ABR: variants seen among roughly 807,000 people sequenced by gnomAD.
ABR encodes ABR activator of RhoGEF and GTPase, also known as active breakpoint cluster region-related protein.
A neutral mutation model predicts 107.2 loss-of-function variants in ABR; 35 were observed. That is an observed-to-expected ratio of 0.33 (90% CI 0.25 to 0.43). The LOEUF (loss-of-function observed/expected upper bound fraction) is 0.43. ABR is among the 20% of genes least tolerant of loss of function. The pLI, the probability that ABR is intolerant of heterozygous loss-of-function variation, is 1.00. For synonymous variants in ABR, 498 were observed against 462.0 expected (o/e 1.08, Z -1.00); for missense variants, 815 against 1,115.2 (o/e 0.73, Z 3.83).
chr17:1,153,369 C>T (rs552789362), intron 1 of ABR, among the ~76,000 whole-genome samples: 1 of 148,588 alleles, frequency 6.7e-6, no homozygotes, highest in East Asian at 2.0e-4. Context: ...AGATGGCACA[C>T]CTGCGGGAGG....
intron 1 of ABR, among the ~76,000 whole-genome samples, chr17:1,170,423 T>G (rs926913979): frequency 6.6e-6 from 1 of 151,984 alleles, no homozygotes; most frequent in African/African-American, 2.4e-5. Flanking sequence ...ATTAATTAAT[T>G]TAGTTTGTTT....
chr17:1,073,792 G>T, intron 6 of ABR, 115 bp from the exon 7 acceptor site: 1 of 931,838 alleles, frequency 1.1e-6, no homozygotes, highest in Non-Finnish European at 1.6e-6. Flanking sequence ...CACCCCTCGA[G>T]GGACACCAGA....
intron 16 of ABR, among the ~76,000 whole-genome samples, chr17:1,031,294 C>T (rs1314089189): frequency 6.6e-6 from 1 of 152,166 alleles, no homozygotes; most frequent in East Asian, 1.9e-4. Context: ...CAGAGGCAGG[C>T]GTCTCCCCGT....
chr17:1,094,378 T>C (rs2037257928), intron 3 of ABR, among the ~76,000 whole-genome samples: 2 of 151,808 alleles, frequency 1.3e-5, no homozygotes, highest in Non-Finnish European at 2.9e-5. Context: ...CAATTTTTTT[T>C]TTTTTTTTTT....
At chr17:1,159,650 T>G (rs1364697252) in intron 1 of ABR, among the ~76,000 whole-genome samples, 1 of 106,106 alleles carries the variant, frequency 9.4e-6, no homozygotes, top group Non-Finnish European at 2.0e-5. Context: ...TATGCGGTAC[T>G]CACACACAGG....
At chr17:1,093,870 T>C (rs892081323) in intron 3 of ABR, among the ~76,000 whole-genome samples, 3 of 152,190 alleles carry the variant, frequency 2.0e-5, no homozygotes, top group African/African-American at 4.8e-5. Context: ...CAGATGGTGC[T>C]CTGCCTTCTG....
chr17:1,171,862 G>A lies in ABR; in HGVS notation c.61+7805C>T, dbSNP rs377733575. On this transcript the variant is annotated intron_variant, in intron 1 of 22. Transcript: ENST00000302538. ...GGAGAACTGCTTGAACCCGGGAGGC[G>A]GAGGTTGCAGTGAGCCGAGATCGCA... 2.0e-5 allele frequency among the ~76,000 whole-genome samples: 3 copies of A among 152,228 alleles called. No individual in the cohort carries two copies. The East Asian group carries it at 5.8e-4, about 29-fold the overall frequency.
intron 16 of ABR, among the ~76,000 whole-genome samples, chr17:1,014,944 C>A (rs1260672684): frequency 6.6e-6 from 1 of 152,184 alleles, no homozygotes; most frequent in Non-Finnish European, 1.5e-5. Context: ...TATTCCATTT[C>A]TCCTAAAGAA....
chr17:1,228,475 C>A (rs1267118395), intron 1 of ABR, among the ~76,000 whole-genome samples: 12 of 152,040 alleles, frequency 7.9e-5, no homozygotes, highest in Non-Finnish European at 1.5e-4. Flanking sequence ...AGGGATCTGG[C>A]GGGGGCCAGG....
chr17:1,060,026 T>G (rs78836538), intron 10 of ABR, among the ~76,000 whole-genome samples: 2,483 of 152,312 alleles, frequency 0.016, 83 homozygotes, highest in African/African-American at 0.057. Context: ...ACTGTTGACT[T>G]GCCTGCTAAG....
At chr17:1,103,567 CT>C (rs1228852752) in intron 2 of ABR, among the ~76,000 whole-genome samples, 4 of 152,198 alleles carry the variant, frequency 2.6e-5, no homozygotes, top group East Asian at 3.8e-4. Context: ...TTCATCCCCC[CT>C]GGCACGAGCA....
At chr17:1,203,340 C>CT in intron 1 of ABR, among the ~76,000 whole-genome samples, 2 of 45,060 alleles carry the variant, frequency 4.4e-5, no homozygotes, top group South Asian at 1.8e-3. Flanking sequence ...GCGGGGTCCG[C>CT]GGGGAGGAGC....
At chr17:1,009,867 T>C (rs2070386075) in intron 20 of ABR, 83 bp from the exon 21 acceptor site, 1 of 1,245,098 alleles carries the variant, frequency 8.0e-7, no homozygotes, top group Non-Finnish European at 1.2e-6. Flanking sequence ...TGTGGGCCCC[T>C]GCGGGAGAGA....
rs750525310 is a variant in ABR at position 1,057,308 on chromosome 17, T to TTGTGTG, written c.1382-212_1382-207dup. ...AGTAGGAGAATCTAACTGAAGAGGTTTGTGTGTGTGTGTGTGTGTGTGTGT... is the reference window on the plus strand; with the variant it reads ...AGTAGGAGAATCTAACTGAAGAGGTTTGTGTGTGTGTGTGTGTGTGTGTGTGTGTGT... On this transcript the variant is annotated intron_variant, in intron 12 of 22. Coordinates refer to ENST00000302538, the MANE Select transcript of ABR (RefSeq NM_021962.5). Among the ~76,000 whole-genome samples the TTGTGTG allele has an allele frequency of 1.5e-3, 99 of 67,990 alleles. 1 individual carries two copies. Among genetic ancestry groups the TTGTGTG allele is most frequent in the Non-Finnish European group, 2.4e-3 (79 of 32,756 alleles). The allele number at this position is 67,990 out of a possible 152,430, so 44.6% of individuals were successfully genotyped here. A position where few individuals can be genotyped will look rare whatever the true frequency, so the allele number is the denominator to read the frequency against.
intron 16 of ABR, among the ~76,000 whole-genome samples, chr17:1,047,810 C>T (rs1006573780): frequency 6.6e-6 from 1 of 152,126 alleles, no homozygotes; most frequent in African/African-American, 2.4e-5. Flanking sequence ...GGTGTGTTTC[C>T]CCCGGGGCTT....
At chr17:1,045,761 G>A (rs545988555) in intron 16 of ABR, among the ~76,000 whole-genome samples, 28 of 152,338 alleles carry the variant, frequency 1.8e-4, no homozygotes, top group African/African-American at 6.7e-4. Flanking sequence ...TGGAGAACAT[G>A]GACCAATATA....
At chr17:1,072,405 G>C (rs2035310923) in intron 8 of ABR, among the ~76,000 whole-genome samples, 1 of 141,850 alleles carries the variant, frequency 7.0e-6, no homozygotes, top group Non-Finnish European at 1.5e-5. Flanking sequence ...GCCCGTGTGT[G>C]AGAGAAGGGG....
rs1036752064 is a variant in ABR at position 1,012,717 on chromosome 17, G to T, written c.1932C>A (p.Val644=). ...KRTPSKKQTG[V]FGVKISVVTK... ...TCACCACGCTGATCTTCACACCGAA[G>T]ACGCCGGTCTGCTTTTTGGACGGGG... Residue 644 remains valine, a synonymous_variant, in exon 18 of 23, where the codon GTC becomes GTA. Coordinates refer to ENST00000302538, the MANE Select transcript of ABR (RefSeq NM_021962.5). The T allele has an allele frequency of 5.7e-6, 9 of 1,592,450 alleles. No homozygotes were observed. The highest frequency in any genetic ancestry group is 2.7e-5 in the African/African-American group (2 of 74,690).
At chr17:1,136,082 G>A (rs1014552969) in intron 1 of ABR, among the ~76,000 whole-genome samples, 9 of 152,096 alleles carry the variant, frequency 5.9e-5, no homozygotes, top group Non-Finnish European at 1.0e-4. Flanking sequence ...CCTAACACTA[G>A]AGTCAGCCTG....
Sources: gnomAD v4.1 joint callset for allele counts (sites outside exome capture counted in the v4.1 genomes callset) on GRCh38, gnomAD v4.1.1 for gene constraint, MANE v1.5 for transcripts, NCBI Gene and HGNC (gene_info 2026-07-23, HGNC 2026-07-21) for gene names.